PCDHGA11: variants seen among roughly 807,000 people sequenced by gnomAD.
PCDHGA11 encodes the protein protocadherin gamma subfamily A, 11.
A neutral mutation model predicts 60.4 loss-of-function variants in PCDHGA11; 39 were observed. That is an observed-to-expected ratio of 0.65 (90% confidence interval 0.50 to 0.84). The LOEUF is 0.84. PCDHGA11 is among the 40% of genes least tolerant of loss of function. PCDHGA11 has a pLI of 0.00. For synonymous variants in PCDHGA11, 533 were observed against 510.3 expected (o/e 1.04, Z -0.60); for missense variants, 1,165 against 1,197.7 (o/e 0.97, Z 0.40).
In PCDHGA11 at chr5:141,495,260, G is replaced by A. The variant is rs368797742; in HGVS notation, c.2492+395G>A. On this transcript the variant is annotated intron_variant, in intron 2 of 3. Transcript: ENST00000398587. ...TATGACCTGGGGCTCAGGCAGAAAA[G>A]CATTTGACCGGAGGAGGCGGTCCGC... Among the ~76,000 whole-genome samples the A allele has an allele frequency of 3.3e-5, 5 of 152,208 alleles. No individual in the cohort carries two copies. The East Asian group carries it at 5.8e-4, about 18-fold the overall frequency.
intron 3 of PCDHGA11, 124 bp from the exon 4 acceptor site, chr5:141,510,823 C>A: frequency 6.4e-7 from 1 of 1,562,432 alleles, no homozygotes. Context: ...CCTATATTCC[C>A]AGTGCTCAGC....
At chr5:141,461,603 G>A (rs1413122199) in intron 1 of PCDHGA11, among the ~76,000 whole-genome samples, 8 of 152,092 alleles carry the variant, frequency 5.3e-5, no homozygotes, top group African/African-American at 1.9e-4. Context: ...TTATAATTTA[G>A]TTCAAAGTAT....
rs77983663 is a variant in PCDHGA11, at chr5:141,504,853, C to T, written c.2493-540C>T. 2.8e-4 allele frequency among the ~76,000 whole-genome samples: 42 copies of T among 152,214 alleles called. No homozygotes were observed. In the East Asian group the frequency reaches 7.7e-3, roughly 28 times the overall value. On this transcript the variant is annotated intron_variant, in intron 2 of 3. Transcript: ENST00000398587. ...TTCTCTAGCTCTGGAACATTCTCTT[C>T]CATTTCCCACCTTCACAGTCCTCTG... is the stretch of plus-strand genomic sequence containing the variant.
rs767500900 is a variant in PCDHGA11, at chr5:141,421,469, G to C, written c.242G>C (p.Arg81Pro). 2.5e-6 allele frequency: 4 copies of C among 1,614,122 alleles called. No homozygotes were observed. The highest frequency in any genetic ancestry group is 3.4e-6 in the Non-Finnish European group (4 of 1,179,954). Residue 81 changes from arginine to proline, a missense_variant, in exon 1 of 4, where the codon CGA becomes CCA. Coordinates refer to ENST00000398587, the MANE Select transcript of PCDHGA11 (RefSeq NM_018914.3). ...ACACAGCTTTTCGCTGTGAATCCGC[G>C]AAGCGGCAGCTTGATCACGGCAGGC... is the stretch of plus-strand genomic sequence containing the variant. Reference protein sequence around the residue: ...GKTQLFAVNPRSGSLITAGRI... With the variant: ...GKTQLFAVNPPSGSLITAGRI...
At position 141,422,040 on chromosome 5, in the gene PCDHGA11, C is replaced by A; in HGVS notation, c.813C>A (p.Asp271Glu). The change falls in exon 1 of 4, where the codon GAC becomes GAA. Residue 271 changes from aspartate (D) to glutamate (E), a missense_variant. Transcript: ENST00000398587. The part of the protein sequence containing the change: ...RVLMVNATDP[D>E]EGINGEVMYS... ...TGATGGTTAATGCAACGGATCCAGA[C>A]GAGGGAATCAACGGGGAAGTAATGT... The A allele has an allele frequency of 6.2e-7, 1 of 1,611,442 alleles. No homozygotes were observed. Among genetic ancestry groups the A allele is most frequent in the Non-Finnish European group, 8.5e-7 (1 of 1,179,184 alleles).
At chr5:141,457,393 T>G (rs1299068071) in intron 1 of PCDHGA11, among the ~76,000 whole-genome samples, 1 of 152,228 alleles carries the variant, frequency 6.6e-6, no homozygotes, top group African/African-American at 2.4e-5. Flanking sequence ...AGCATATTGA[T>G]TCACATTTTC....
chr5:141,456,389 TTTGA>T (rs1181323617), intron 1 of PCDHGA11, among the ~76,000 whole-genome samples: 2 of 152,074 alleles, frequency 1.3e-5, no homozygotes, highest in Non-Finnish European at 2.9e-5. Flanking sequence ...CCGTTTGGAG[TTTGA>T]TTGCTTCTAG....
intron 1 of PCDHGA11, chr5:141,426,875 C>T (rs1005769074): frequency 8.8e-6 from 4 of 456,566 alleles, no homozygotes; most frequent in African/African-American, 4.0e-5. Context: ...TGGAGAAGCC[C>T]CTGGGCCAGG....
chr5:141,441,838 C>T, intron 1 of PCDHGA11: 4 of 355,582 alleles, frequency 1.1e-5, no homozygotes, highest in South Asian at 9.6e-5. Flanking sequence ...TGGCTTCGCG[C>T]TCTTGGATAT....
rs1173306822 is a variant in PCDHGA11 at position 141,431,115 on chromosome 5, T to C, written c.2433+7455T>C. The C allele has an allele frequency of 9.3e-6, 15 of 1,613,492 alleles. No individual in the cohort carries two copies. The highest frequency in any genetic ancestry group is 1.3e-5 in the Non-Finnish European group (15 of 1,179,878). On this transcript the variant is annotated intron_variant, in intron 1 of 3. Coordinates refer to ENST00000398587, the MANE Select transcript of PCDHGA11 (RefSeq NM_018914.3). The surrounding 1 kb of genome is among the most constrained non-coding windows in gnomAD (Gnocchi z 4.8). The stretch of plus-strand genomic sequence containing the variant: ...GAGGATAAAGTGAAAATATATGGAG[T>C]AGAAGTAGAAGTAAGGGACATTAAC...
rs1271891195 is a variant in PCDHGA11, at chr5:141,477,108, C to A, written c.2434-17699C>A. The A allele has an allele frequency of 2.5e-6, 4 of 1,614,232 alleles. No individual in the cohort carries two copies. Among genetic ancestry groups the A allele is most frequent in the Non-Finnish European group, 2.5e-6 (3 of 1,180,046 alleles). ...CAGGCCAAAGACAAGGGCGCCAATCCCGAAGGAGCACATTGCAAAGTGTTG... is the reference window on the plus strand; with the variant it reads ...CAGGCCAAAGACAAGGGCGCCAATCACGAAGGAGCACATTGCAAAGTGTTG... On this transcript the variant is annotated intron_variant, in intron 1 of 3. Coordinates refer to ENST00000398587, the MANE Select transcript of PCDHGA11 (RefSeq NM_018914.3). The surrounding 1 kb of genome is among the most constrained non-coding windows in gnomAD (Gnocchi z 4.9).
Position 141,476,667 on chromosome 5 carries a change from T to C in PCDHGA11, c.2434-18140T>C. 6.2e-7 allele frequency: 1 copy of C among 1,614,234 alleles called. No individual in the cohort carries two copies. Among genetic ancestry groups the C allele is most frequent in the Non-Finnish European group, 8.5e-7 (1 of 1,180,042 alleles). ...CGAAATGAATACTTTGCGCTTCGCG[T>C]GCAGACGCGGGAGGACAGCACCAAG... On this transcript the variant is annotated intron_variant, in intron 1 of 3. Transcript: ENST00000398587. The surrounding 1 kb of genome is among the most constrained non-coding windows in gnomAD (Gnocchi z 7.6).
rs760095389 is a variant in PCDHGA11, at chr5:141,486,731, A to G, written c.2434-8076A>G. On this transcript the variant is annotated intron_variant, in intron 1 of 3. Transcript: ENST00000398587. The surrounding 1 kb of genome is among the most constrained non-coding windows in gnomAD (Gnocchi z 5.0). ...CCCCCAGACAGGAGCTGTTCATGCT[A>G]CTCGATCCTTTGACTATGAGCAAAC... The G allele has an allele frequency of 6.2e-7, 1 of 1,614,060 alleles. No individual in the cohort carries two copies. Among genetic ancestry groups the G allele is most frequent in the Non-Finnish European group, 8.5e-7 (1 of 1,180,012 alleles).
chr5:141,503,222 G>C (rs540244346), intron 2 of PCDHGA11, among the ~76,000 whole-genome samples: 1 of 152,120 alleles, frequency 6.6e-6, no homozygotes, highest in Middle Eastern at 3.4e-3. Context: ...CATGAGCACC[G>C]TAAAGATGGA....
intron 1 of PCDHGA11, among the ~76,000 whole-genome samples, chr5:141,482,144 G>C (rs564178008): frequency 1.3e-4 from 20 of 151,858 alleles, no homozygotes; most frequent in Admixed American, 9.8e-4. Flanking sequence ...GGCATAAAAA[G>C]GTCAAGTCAA....
At chr5:141,435,995 A>C (rs1033174115) in intron 1 of PCDHGA11, among the ~76,000 whole-genome samples, 2 of 152,144 alleles carry the variant, frequency 1.3e-5, no homozygotes, top group African/African-American at 4.8e-5. Context: ...TGATTTTTTG[A>C]AAGAAAGTAT....
Position 141,477,128 on chromosome 5 carries a change from G to C in PCDHGA11, c.2434-17679G>C. On this transcript the variant is annotated intron_variant, in intron 1 of 3. Transcript: ENST00000398587. The surrounding 1 kb of genome is among the most constrained non-coding windows in gnomAD (Gnocchi z 4.9). ...CAATCCCGAAGGAGCACATTGCAAA[G>C]TGTTGGTGGAGGTTGTGGATGTGAA... 1.9e-6 allele frequency: 3 copies of C among 1,614,250 alleles called. No homozygotes were observed. The highest frequency in any genetic ancestry group is 2.5e-6 in the Non-Finnish European group (3 of 1,180,046).
At chr5:141,498,361 T>C (rs1256361883) in intron 2 of PCDHGA11, among the ~76,000 whole-genome samples, 1 of 151,460 alleles carries the variant, frequency 6.6e-6, no homozygotes, top group African/African-American at 2.4e-5. Flanking sequence ...GCAAAAGCCT[T>C]GTGGTGAGGC....
chr5:141,485,152 A>T lies in PCDHGA11; in HGVS notation c.2434-9655A>T. 1.3e-6 allele frequency: 2 copies of T among 1,586,090 alleles called. No homozygotes were observed. Among genetic ancestry groups the T allele is most frequent in the Non-Finnish European group, 8.6e-7 (1 of 1,157,176 alleles). ...CTTCATCCGCGTCTCAGGAGCAAGT[A>T]GAGAATTAGCGGGCGGCAGCAATGC... On this transcript the variant is annotated intron_variant, in intron 1 of 3. Coordinates refer to ENST00000398587, the MANE Select transcript of PCDHGA11 (RefSeq NM_018914.3). This position sits in a 1 kb window ranked among gnomAD's most constrained non-coding sequence, Gnocchi z 5.7.
Sources: allele counts gnomAD v4.1 joint callset (sites outside exome capture counted in the v4.1 genomes callset), GRCh38; gene constraint gnomAD v4.1.1; non-coding constraint Gnocchi (gnomAD v3.1); transcripts MANE v1.5; gene names NCBI Gene and HGNC (gene_info 2026-07-23, HGNC 2026-07-21).